FAM177A1: variants seen among roughly 807,000 people sequenced by gnomAD.
FAM177A1 encodes protein FAM177A1.
A neutral mutation model predicts 26.1 loss-of-function variants in FAM177A1; 22 were observed. The observed-to-expected ratio is 0.84, with a 90% CI of 0.60 to 1.20. The LOEUF (loss-of-function observed/expected upper bound fraction) is 1.20. Ranked by LOEUF, FAM177A1 falls within the 50% of genes most tolerant of loss-of-function variation. FAM177A1 has a pLI of 0.00. For missense variants in FAM177A1, 296 were observed against 291.1 expected, an observed-to-expected ratio of 1.02 and a Z score of -0.12; for synonymous variants, 95 against 99.3, an observed-to-expected ratio of 0.96 and a Z score of 0.26.
intron 2 of FAM177A1, among the ~76,000 whole-genome samples, chr14:35,074,717 T>C (rs2045369672): frequency 6.6e-6 from 1 of 152,080 alleles, no homozygotes; most frequent in Non-Finnish European, 1.5e-5. Context: ...GGACAAGTTT[T>C]TCTCTTTCTC....
intron 1 of FAM177A1, among the ~76,000 whole-genome samples, chr14:35,049,079 T>C (rs1043830484): frequency 2.6e-5 from 4 of 152,028 alleles, no homozygotes; most frequent in Non-Finnish European, 5.9e-5. Flanking sequence ...TTAGTAGAGG[T>C]GGGGTTTCAC....
At chr14:35,049,751 T>C (rs1217964583) in intron 1 of FAM177A1, among the ~76,000 whole-genome samples, 2 of 152,054 alleles carry the variant, frequency 1.3e-5, no homozygotes, top group Admixed American at 1.3e-4. Context: ...CACCACTGCA[T>C]TCCAGCCTGG....
Position 35,057,520 on chromosome 14 carries a change from C to T in FAM177A1, c.339+4069C>T, listed in dbSNP as rs531211770. On this transcript the variant is annotated intron_variant, in intron 2 of 4. Coordinates refer to ENST00000280987, the MANE Select transcript of FAM177A1 (RefSeq NM_173607.5). Reference sequence around the variant, plus strand: ...TCAGCTTCCCGAGTAGTTGGGATTACAGGTGCACGCCACCATGCCAAATTA... The same window carrying T: ...TCAGCTTCCCGAGTAGTTGGGATTATAGGTGCACGCCACCATGCCAAATTA... Among the ~76,000 whole-genome samples the T allele has an allele frequency of 2.6e-5, 4 of 152,132 alleles. No individual in the cohort carries two copies. In the South Asian group the frequency reaches 8.3e-4, roughly 32 times the overall value.
intron 4 of FAM177A1, among the ~76,000 whole-genome samples, chr14:35,080,275 T>G (rs2045460003): frequency 1.3e-5 from 2 of 152,218 alleles, no homozygotes; most frequent in Admixed American, 1.3e-4. Context: ...GGGTAGGTGC[T>G]GCCTTATCTA....
At chr14:35,069,167 T>TA (rs759290384) in intron 2 of FAM177A1, among the ~76,000 whole-genome samples, 86 of 152,254 alleles carry the variant, frequency 5.6e-4, no homozygotes, top group African/African-American at 1.8e-3. Flanking sequence ...ATTAGCCAAT[T>TA]AAAAAAATTT....
At chr14:35,066,339 A>T (rs2138551624) in intron 2 of FAM177A1, among the ~76,000 whole-genome samples, 1 of 151,550 alleles carries the variant, frequency 6.6e-6, no homozygotes, top group Middle Eastern at 3.5e-3. Context: ...AAGTGCTGGG[A>T]TTACAAGCAT....
Position 35,082,309 on chromosome 14 carries a change from T to TTTA in FAM177A1, c.*1083_*1084insATT, listed in dbSNP as rs1297896614. On this transcript the variant is annotated 3_prime_UTR_variant, in exon 5 of 5. Transcript: ENST00000280987. Reference sequence around the variant, plus strand: ...TGGGCAGATTACTTGAGGTCAGGAGTTTGAGACCAGCCTGGCCAACGTAGT... The same window carrying TTTA: ...TGGGCAGATTACTTGAGGTCAGGAGTTTATTGAGACCAGCCTGGCCAACGTAGT... 1.3e-5 allele frequency: 2 copies of TTTA among 151,870 alleles called. No individual in the cohort carries two copies. Among genetic ancestry groups the TTTA allele is most frequent in the Non-Finnish European group, 2.9e-5 (2 of 68,018 alleles). 9.4% of individuals were successfully genotyped at this position (151,870 alleles called of 1,614,324 possible). A position where few individuals can be genotyped will look rare whatever the true frequency, so the allele number is the denominator to read the frequency against.
intron 2 of FAM177A1, among the ~76,000 whole-genome samples, chr14:35,057,618 G>T (rs1295847986): frequency 6.6e-6 from 1 of 152,086 alleles, no homozygotes; most frequent in East Asian, 1.9e-4. Flanking sequence ...TGACCTAGGT[G>T]ATCTGCCCGC....
chr14:35,072,034 T>C (rs1330642913), intron 2 of FAM177A1, among the ~76,000 whole-genome samples: 1 of 152,192 alleles, frequency 6.6e-6, no homozygotes, highest in East Asian at 1.9e-4. Flanking sequence ...CCCAGCACTT[T>C]GGGAGGCTGA....
chr14:35,074,952 A>G (rs956830345), intron 2 of FAM177A1, among the ~76,000 whole-genome samples: 1 of 152,074 alleles, frequency 6.6e-6, no homozygotes, highest in South Asian at 2.1e-4. Flanking sequence ...CACAAGAGTC[A>G]CTTGAACCCA....
At chr14:35,079,442 G>A (rs2045446111) in intron 4 of FAM177A1, among the ~76,000 whole-genome samples, 1 of 152,168 alleles carries the variant, frequency 6.6e-6, no homozygotes, top group South Asian at 2.1e-4. Context: ...AGGTGTTAAT[G>A]CACAAAAATT....
intron 3 of FAM177A1, among the ~76,000 whole-genome samples, chr14:35,077,584 G>A (rs540115969): frequency 9.8e-5 from 14 of 142,264 alleles, no homozygotes; most frequent in Admixed American, 3.0e-4. Context: ...CCGGGTTCAC[G>A]CCATTCGCCT....
intron 2 of FAM177A1, among the ~76,000 whole-genome samples, chr14:35,061,769 TA>T (rs11316188): frequency 0.16 from 24,271 of 147,770 alleles, 2,163 homozygotes; most frequent in African/African-American, 0.23. Flanking sequence ...ATAATAATAT[TA>T]AAAAAAAAAG....
chr14:35,066,946 A>G (rs2045249770), intron 2 of FAM177A1, among the ~76,000 whole-genome samples: 1 of 152,022 alleles, frequency 6.6e-6, no homozygotes, highest in South Asian at 2.1e-4. Context: ...GGCATGCGCC[A>G]CCACGCCTGG....
At chr14:35,080,094 TACTC>T (rs1433299853) in intron 4 of FAM177A1, among the ~76,000 whole-genome samples, 4 of 152,188 alleles carry the variant, frequency 2.6e-5, no homozygotes, top group African/African-American at 9.6e-5. Flanking sequence ...CTTCTGGGGT[TACTC>T]ACTGTGTACT....
intron 4 of FAM177A1, among the ~76,000 whole-genome samples, chr14:35,079,825 G>A (rs1013620460): frequency 6.6e-6 from 1 of 152,092 alleles, no homozygotes; most frequent in Non-Finnish European, 1.5e-5. Context: ...AGGCATGAAG[G>A]TACATTGTTA....
At chr14:35,069,304 A>G (rs1451572788) in intron 2 of FAM177A1, among the ~76,000 whole-genome samples, 1 of 113,400 alleles carries the variant, frequency 8.8e-6, no homozygotes. Context: ...TTTTTTTTTG[A>G]GACAGAGTTT....
intron 2 of FAM177A1, among the ~76,000 whole-genome samples, chr14:35,057,710 T>G (rs151238207): frequency 9.5e-4 from 144 of 152,034 alleles, no homozygotes; most frequent in Non-Finnish European, 1.5e-3. Flanking sequence ...AAGTATTTTC[T>G]TTTTTTTCCT....
At position 35,046,272 on chromosome 14, in the gene FAM177A1, A is replaced by C; in HGVS notation, c.-192A>C. Reference sequence around the variant, plus strand: ...GCGCGAGCCGGTAGTTGCGCCTCCCAGACTGCAGTTGGCCAGCTCTCGGGG... The same window carrying C: ...GCGCGAGCCGGTAGTTGCGCCTCCCCGACTGCAGTTGGCCAGCTCTCGGGG... On this transcript the variant is annotated 5_prime_UTR_variant, in exon 1 of 5. Transcript: ENST00000280987. 1.8e-6 allele frequency: 1 copy of C among 544,620 alleles called. No homozygotes were observed. Among genetic ancestry groups the C allele is most frequent in the Non-Finnish European group, 2.9e-6 (1 of 342,948 alleles). 33.7% of individuals were successfully genotyped at this position (544,620 alleles called of 1,614,324 possible). A position where few individuals can be genotyped will look rare whatever the true frequency, so the allele number is the denominator to read the frequency against.
Sources: allele counts gnomAD v4.1 joint callset (sites outside exome capture counted in the v4.1 genomes callset), GRCh38; gene constraint gnomAD v4.1.1; transcripts MANE v1.5; gene names NCBI Gene and HGNC (gene_info 2026-07-23, HGNC 2026-07-21).